CSMD1: variants seen among roughly 807,000 people sequenced by gnomAD.
CSMD1 encodes the protein CUB and Sushi multiple domains 1.
CSMD1 carries 213 observed loss-of-function variants against 417.5 expected under a neutral mutation model. That is an observed-to-expected ratio of 0.51 (90% CI 0.46 to 0.57). CSMD1 has a LOEUF of 0.57. CSMD1 is among the 20% of genes least tolerant of loss of function. The pLI is 0.00. For missense variants in CSMD1, 6,923 were observed against 4,529.7 expected (o/e 1.53, Z -15.17); for synonymous variants, 2,862 against 1,736.8 (o/e 1.65, Z -16.11).
chr8:3,688,109 T>C (rs1800041464), intron 7 of CSMD1, among the ~76,000 whole-genome samples: 1 of 152,216 alleles, frequency 6.6e-6, no homozygotes, highest in African/African-American at 2.4e-5. Flanking sequence ...CCACTTAGTG[T>C]GCTTATCTGC....
chr8:3,034,274 A>G (rs1261573800), intron 50 of CSMD1, among the ~76,000 whole-genome samples: 1 of 152,150 alleles, frequency 6.6e-6, no homozygotes, highest in Non-Finnish European at 1.5e-5. Flanking sequence ...TCCTTTTTTA[A>G]CTGTTTTCCA....
intron 18 of CSMD1, among the ~76,000 whole-genome samples, chr8:3,377,318 T>A (rs975157043): frequency 6.6e-6 from 1 of 152,208 alleles, no homozygotes; most frequent in Non-Finnish European, 1.5e-5. Context: ...GGCTTATTAA[T>A]AGATTTTTAC....
At chr8:4,379,768 C>T (rs942679494) in intron 3 of CSMD1, among the ~76,000 whole-genome samples, 13 of 152,052 alleles carry the variant, frequency 8.5e-5, no homozygotes, top group East Asian at 1.9e-4. Context: ...CTATGGCCCA[C>T]ACTTTAGGTC....
chr8:3,332,481 C>T (rs2551042), intron 23 of CSMD1, among the ~76,000 whole-genome samples: 89,322 of 151,792 alleles, frequency 0.59, 26,712 homozygotes, highest in East Asian at 0.85. Context: ...TAGGGAAGAT[C>T]GAGGCACATA....
intron 2 of CSMD1, among the ~76,000 whole-genome samples, chr8:4,509,942 C>T (rs1802726508): frequency 6.6e-6 from 1 of 152,082 alleles, no homozygotes; most frequent in African/African-American, 2.4e-5. Flanking sequence ...AGCCTTAAAT[C>T]ACTATTTTAT....
chr8:3,983,135 CTTTT>C (rs201667296), intron 5 of CSMD1, among the ~76,000 whole-genome samples: 1 of 133,514 alleles, frequency 7.5e-6, no homozygotes, highest in African/African-American at 2.9e-5. Context: ...ATCTTTCTTT[CTTTT>C]TTTTTTTTTG....
Position 4,213,544 on chromosome 8 carries a change from C to G in CSMD1, c.416-181445G>C, listed in dbSNP as rs551139202. On this transcript the variant is annotated intron_variant, in intron 3 of 69. Transcript: ENST00000635120. ...TAATGTAGAAATGACAGACACACAA[C>G]GTCTAGAAATAAAACACTTTTGCTC... is the stretch of plus-strand genomic sequence containing the variant. Among the ~76,000 whole-genome samples the G allele has an allele frequency of 5.9e-5, 9 of 152,254 alleles. No individual in the cohort carries two copies. In the East Asian group the frequency reaches 1.7e-3, roughly 29 times the overall value.
intron 15 of CSMD1, among the ~76,000 whole-genome samples, chr8:3,405,515 T>C (rs1812292658): frequency 6.6e-6 from 1 of 152,178 alleles, no homozygotes; most frequent in African/African-American, 2.4e-5. Context: ...CAAAAAATCA[T>C]ACATTGAGGT....
At chr8:4,766,039 G>T (rs974663946) in intron 1 of CSMD1, among the ~76,000 whole-genome samples, 1 of 152,076 alleles carries the variant, frequency 6.6e-6, no homozygotes, top group Non-Finnish European at 1.5e-5. Flanking sequence ...TTACATAAAT[G>T]TTTGGAAACT....
In CSMD1 at chr8:3,929,964, G is replaced by A. The variant is rs772912930; in HGVS notation, c.818+67939C>T. Among the ~76,000 whole-genome samples the A allele has an allele frequency of 1.0e-4, 15 of 150,400 alleles. 1 individual carries two copies. The highest frequency in any genetic ancestry group is 2.2e-4 in the Non-Finnish European group (15 of 67,488). ...GGCCTCATGTGAGACACTGTGCACA[G>A]CCTATATGATTAAATTTTTAAAAAC... On this transcript the variant is annotated intron_variant, in intron 5 of 69. Transcript: ENST00000635120.
intron 3 of CSMD1, among the ~76,000 whole-genome samples, chr8:4,347,916 A>C (rs1031258146): frequency 6.6e-6 from 1 of 152,210 alleles, no homozygotes; most frequent in Non-Finnish European, 1.5e-5. Flanking sequence ...TTAAATAAAC[A>C]AGGATAAAAT....
chr8:3,938,100 A>C (rs991533717), intron 5 of CSMD1, among the ~76,000 whole-genome samples: 1 of 152,176 alleles, frequency 6.6e-6, no homozygotes, highest in Non-Finnish European at 1.5e-5. Context: ...AGAAATTTTG[A>C]AAGTGTGAAG....
chr8:4,698,881 T>C (rs1279032583), intron 1 of CSMD1, among the ~76,000 whole-genome samples: 3 of 151,116 alleles, frequency 2.0e-5, no homozygotes, highest in South Asian at 2.1e-4. Flanking sequence ...AATCCAACTC[T>C]TAAACATGTG....
chr8:4,022,300 A>G (rs1796829419), intron 4 of CSMD1, among the ~76,000 whole-genome samples: 1 of 151,910 alleles, frequency 6.6e-6, no homozygotes, highest in Non-Finnish European at 1.5e-5. Context: ...TCAGACAAGG[A>G]AGAGAAGTAT....
chr8:3,401,539 A>G (rs1812038278), intron 15 of CSMD1, among the ~76,000 whole-genome samples: 1 of 152,170 alleles, frequency 6.6e-6, no homozygotes, highest in African/African-American at 2.4e-5. Context: ...AAGTAAGTAA[A>G]TAGTAAGTAA....
Position 4,573,107 on chromosome 8 carries a change from A to G in CSMD1, c.302+64235T>C, listed in dbSNP as rs6993256. Among the ~76,000 whole-genome samples, 1,022 of 152,226 alleles carry G rather than the reference A, an allele frequency of 6.7e-3. 13 individuals are homozygous for G. The highest frequency in any genetic ancestry group is 0.024 in the African/African-American group (989 of 41,536). On this transcript the variant is annotated intron_variant, in intron 2 of 69. Transcript: ENST00000635120. Reference sequence around the variant, plus strand: ...GAGTTTGTTATTACCCACCTTCTGAAGCCTACTTCTGTCAATTCATCAAAC... The same window carrying G: ...GAGTTTGTTATTACCCACCTTCTGAGGCCTACTTCTGTCAATTCATCAAAC...
At chr8:3,057,731 G>A (rs969836984) in intron 49 of CSMD1, among the ~76,000 whole-genome samples, 2 of 152,110 alleles carry the variant, frequency 1.3e-5, no homozygotes, top group African/African-American at 4.8e-5. Flanking sequence ...AAACGGTTCT[G>A]CTGAATTCAG....
intron 7 of CSMD1, among the ~76,000 whole-genome samples, chr8:3,631,182 CCCCTTCTCTATCTACCTG>C (rs1173160838): frequency 1.3e-5 from 2 of 152,196 alleles, no homozygotes; most frequent in Non-Finnish European, 2.9e-5. Flanking sequence ...AGGACTCCTT[CCCCTTCTCTATCTACCTG>C]CTTTATGTTG....
chr8:2,940,462 C>T (rs528699787), intron 69 of CSMD1, among the ~76,000 whole-genome samples: 3 of 152,192 alleles, frequency 2.0e-5, no homozygotes, highest in African/African-American at 7.2e-5. Flanking sequence ...CGACAGATTC[C>T]CCACCGACCC....
Sources: allele counts gnomAD v4.1 joint callset (sites outside exome capture counted in the v4.1 genomes callset), GRCh38; gene constraint gnomAD v4.1.1; transcripts MANE v1.5; gene names NCBI Gene and HGNC (gene_info 2026-07-23, HGNC 2026-07-21).